Variants in TMCO5A observed in about 807,000 individuals in gnomAD.
TMCO5A encodes the protein transmembrane and coiled-coil domain-containing protein 5A.
In TMCO5A, 34 loss-of-function variants were observed where a neutral mutation model predicts 42.3. That is an observed-to-expected ratio of 0.80 (90% CI 0.61 to 1.07). The LOEUF (loss-of-function observed/expected upper bound fraction) is 1.07, where lower values mean the gene tolerates loss of function less well. TMCO5A is among the 50% of genes least tolerant of loss of function. The probability of loss-of-function intolerance (pLI) is 0.00; values close to 1 mark genes in which losing one functional copy is unlikely to be tolerated. For synonymous variants in TMCO5A, 131 were observed against 115.6 expected, an observed-to-expected ratio of 1.13 and a Z score of -0.86; for missense variants, 357 against 327.9, an observed-to-expected ratio of 1.09 and a Z score of -0.69.
At chr15:37,952,353 C>T (rs1021526874), downstream of TMCO5A, among the ~76,000 whole-genome samples, 1 of 152,038 alleles carries the variant, frequency 6.6e-6, no homozygotes, top group Non-Finnish European at 1.5e-5. Flanking sequence ...GTTGGGAAGA[C>T]TTTGTCTTGC....
Position 37,936,958 on chromosome 15 carries a change from A to T in TMCO5A, c.252A>T (p.Glu84Asp). 1 of 1,612,352 alleles carries T rather than the reference A, an allele frequency of 6.2e-7. No individual in the cohort carries two copies. Among genetic ancestry groups the T allele is most frequent in the Non-Finnish European group, 8.5e-7 (1 of 1,178,960 alleles). ...RERALQELEE[E>D]TARLERKNKT... is the part of the protein sequence containing the mutation. The stretch of plus-strand genomic sequence containing the variant: ...GAGCCTTGCAGGAGCTGGAGGAAGA[A>T]ACAGCCAGACTTGTAAGCAAGAAGT... Residue 84 changes from glutamate (E) to aspartate (D), a missense_variant, in exon 4 of 12, where the codon GAA (glutamate) becomes GAT (aspartate). Coordinates refer to ENST00000319669, the MANE Select transcript of TMCO5A (RefSeq NM_152453.4).
the TMCO5A span, among the ~76,000 whole-genome samples, chr15:38,019,119 A>T: frequency 1.3e-5 from 2 of 152,192 alleles, no homozygotes; most frequent in Non-Finnish European, 2.9e-5. Context: ...AATCATAGTG[A>T]AGAATTCAAG....
At chr15:38,005,310 T>C in the TMCO5A span, among the ~76,000 whole-genome samples, 2 of 145,884 alleles carry the variant, frequency 1.4e-5, no homozygotes, top group South Asian at 4.3e-4. Flanking sequence ...GCACAATGGC[T>C]TATGCCTATA....
chr15:38,024,405 A>G, the TMCO5A span, among the ~76,000 whole-genome samples: 1 of 152,220 alleles, frequency 6.6e-6, no homozygotes, highest in African/African-American at 2.4e-5. Context: ...GCCTGTAATC[A>G]CTCACTGTGA....
downstream of TMCO5A, among the ~76,000 whole-genome samples, chr15:37,971,982 G>A (rs1282008886): frequency 1.3e-5 from 2 of 152,160 alleles, no homozygotes; most frequent in Admixed American, 1.3e-4. Flanking sequence ...CTGTTACCAA[G>A]TTCCAAAGTT....
At chr15:37,990,158 GT>G in the TMCO5A span, among the ~76,000 whole-genome samples, 1 of 151,994 alleles carries the variant, frequency 6.6e-6, no homozygotes, top group South Asian at 2.1e-4. Context: ...TAATTGTGTT[GT>G]TCAAGTCTTC....
At chr15:37,989,389 C>A in the TMCO5A span, among the ~76,000 whole-genome samples, 1 of 151,846 alleles carries the variant, frequency 6.6e-6, no homozygotes, top group East Asian at 1.9e-4. Context: ...AATTATTATA[C>A]ATTTAAGTAG....
At chr15:37,943,308 G>T (rs767197038) in intron 9 of TMCO5A, 33 bp from the exon 10 acceptor site, 4 of 1,606,994 alleles carry the variant, frequency 2.5e-6, no homozygotes, top group African/African-American at 2.7e-5. Flanking sequence ...AGTGCACTTT[G>T]TTCAATTTCT....
the TMCO5A span, chr15:38,025,164 T>TGG: frequency 5.7e-5 from 1 of 17,492 alleles, no homozygotes; most frequent in Non-Finnish European, 1.2e-4. Context: ...AGCTTTTGGG[T>TGG]GTGTGTGTGT....
chr15:37,991,440 G>C, the TMCO5A span, among the ~76,000 whole-genome samples: 8 of 152,002 alleles, frequency 5.3e-5, no homozygotes, highest in Non-Finnish European at 1.0e-4. Flanking sequence ...GGGCCTCTTT[G>C]AGTTCCTACT....
chr15:37,966,236 G>T (rs573521864), intron 11 of TMCO5A, among the ~76,000 whole-genome samples: 2 of 151,018 alleles, frequency 1.3e-5, no homozygotes, highest in Non-Finnish European at 2.9e-5. Context: ...TAGAATAATG[G>T]TTACCAGAGG....
chr15:37,953,254 G>A (rs1478365776), downstream of TMCO5A, among the ~76,000 whole-genome samples: 3 of 152,102 alleles, frequency 2.0e-5, no homozygotes, highest in South Asian at 2.1e-4. Context: ...AGCAGGACTC[G>A]GGTAAGACCC....
the TMCO5A span, among the ~76,000 whole-genome samples, chr15:38,036,214 AG>A: frequency 6.6e-6 from 1 of 152,192 alleles, no homozygotes; most frequent in South Asian, 2.1e-4. Flanking sequence ...CTGCTAGTGG[AG>A]GATTTCTTGG....
At chr15:37,963,310 C>A (rs1378896750) in intron 11 of TMCO5A, among the ~76,000 whole-genome samples, 2 of 152,122 alleles carry the variant, frequency 1.3e-5, no homozygotes, top group East Asian at 3.9e-4. Context: ...ATTTTTGACC[C>A]AATGCTCATT....
the TMCO5A span, among the ~76,000 whole-genome samples, chr15:37,983,301 C>T: frequency 6.6e-6 from 1 of 152,140 alleles, no homozygotes; most frequent in African/African-American, 2.4e-5. Context: ...TATCATTATG[C>T]GCAGTTTCAG....
chr15:37,991,886 C>T, the TMCO5A span, among the ~76,000 whole-genome samples: 1 of 151,980 alleles, frequency 6.6e-6, no homozygotes, highest in Non-Finnish European at 1.5e-5. Context: ...AAATGTAAAA[C>T]CCAAATATAT....
chr15:38,020,267 T>C, the TMCO5A span: 1 of 152,162 alleles, frequency 6.6e-6, no homozygotes, highest in Admixed American at 6.5e-5. Flanking sequence ...CTCGTCTTTC[T>C]AAATTTCAAT....
the TMCO5A span, among the ~76,000 whole-genome samples, chr15:38,002,675 C>G: frequency 6.6e-6 from 1 of 152,018 alleles, no homozygotes; most frequent in African/African-American, 2.4e-5. Context: ...TATTTTTCAG[C>G]TCCAGAATTT....
At chr15:37,939,451 T>A (rs1168794775) in intron 6 of TMCO5A, among the ~76,000 whole-genome samples, 1 of 152,070 alleles carries the variant, frequency 6.6e-6, no homozygotes, top group East Asian at 1.9e-4. Context: ...ACCTGCCATC[T>A]GATTGCAGTG....
Sources: gnomAD v4.1 joint callset for allele counts (sites outside exome capture counted in the v4.1 genomes callset) on GRCh38, gnomAD v4.1.1 for gene constraint, MANE v1.5 for transcripts, NCBI Gene and HGNC (gene_info 2026-07-23, HGNC 2026-07-21) for gene names.